The following ARHGAP45 variants were observed in gnomAD, a reference collection of about 807,000 sequenced individuals.
The protein encoded by ARHGAP45 is Rho GTPase activating protein 45.
Under a neutral mutation model 116.1 loss-of-function variants are expected in ARHGAP45, and 56 were observed. The observed-to-expected ratio is 0.48, with a 90% CI of 0.39 to 0.60. The LOEUF is 0.60. Among genes scored for constraint, ARHGAP45 ranks in the 20% least tolerant of loss-of-function variants. The pLI is 0.00. For synonymous variants in ARHGAP45, 866 were observed against 701.7 expected, an observed-to-expected ratio of 1.23 and a Z score of -3.70; for missense variants, 1,622 against 1,601.0, an observed-to-expected ratio of 1.01 and a Z score of -0.22.
chr19:1,084,135 G>A (rs2043527473), intron 21 of ARHGAP45, 103 bp from the exon 22 acceptor site: 17 of 1,074,424 alleles, frequency 1.6e-5, no homozygotes, highest in Middle Eastern at 2.4e-4. Context: ...CTGGGCAACA[G>A]CGGGTGTCAG....
intron 1 of ARHGAP45, chr19:1,067,701 C>T (rs1342695656): frequency 1.4e-6 from 1 of 703,864 alleles, no homozygotes; most frequent in South Asian, 1.5e-5. Context: ...TGGTGGCCGC[C>T]TCCCTCCACT....
chr19:1,075,027 G>GT (rs1555706845), intron 10 of ARHGAP45, 148 bp downstream of exon 10: 5 of 441,314 alleles, frequency 1.1e-5, no homozygotes, highest in South Asian at 1.1e-4. Context: ...AGGCTGGGCC[G>GT]CCCCCCCCAA....
Position 1,079,726 on chromosome 19 carries a change from C to T in ARHGAP45, c.1398C>T (p.Tyr466=), listed in dbSNP as rs1295313573. The T allele has an allele frequency of 1.2e-6, 2 of 1,612,510 alleles. No individual in the cohort carries two copies. Among genetic ancestry groups the T allele is most frequent in the East Asian group, 2.2e-5 (1 of 44,886 alleles). The stretch of plus-strand genomic sequence containing the variant: ...AGGCGGAGGAAGCTATGGCCACCTA[C>T]CGCACCTGCGTGGCCGACGCGAAGA... ...KNKAEEAMAT[Y]RTCVADAKTQ... The change falls in exon 12 of 23, where the codon TAC becomes TAT. Residue 466 remains tyrosine (Y), a synonymous_variant. Transcript: ENST00000313093.
chr19:1,078,300 C>T (rs943271347), intron 11 of ARHGAP45, among the ~76,000 whole-genome samples: 4 of 151,084 alleles, frequency 2.6e-5, no homozygotes, highest in Non-Finnish European at 5.9e-5. Flanking sequence ...CCCGCCACCA[C>T]GCCTGGCTAA....
In ARHGAP45 at chr19:1,080,748, A is replaced by G. The variant is rs776404517; in HGVS notation, c.1979A>G (p.Asp660Gly). 6.2e-7 allele frequency: 1 copy of G among 1,613,456 alleles called. No homozygotes were observed. The highest frequency in any genetic ancestry group is 8.5e-7 in the Non-Finnish European group (1 of 1,179,958). The change falls in exon 16 of 23, where the codon GAC (aspartate) becomes GGC (glycine). Residue 660 changes from aspartate to glycine, a missense_variant. By Grantham distance (94) the Asp-to-Gly change is moderately conservative. This residue lies in a region of ARHGAP45 where 1,334 missense variants were observed against 1,263.8 expected (regional missense o/e 1.06). Transcript: ENST00000313093. Reference protein sequence around the residue: ...GTMSSTEELVDPDGGAGASAF... With the variant: ...GTMSSTEELVGPDGGAGASAF... ...ATGTCGTCCACGGAGGAGCTGGTGG[A>G]CCCAGACGGTGGAGCCGGGGCTTCA...
Position 1,068,319 on chromosome 19 carries a change from G to A in ARHGAP45, c.91-95G>A, listed in dbSNP as rs757668132. The A allele has an allele frequency of 8.9e-5, 102 of 1,141,960 alleles. No individual in the cohort carries two copies. Among genetic ancestry groups the A allele is most frequent in the Non-Finnish European group, 1.2e-4 (99 of 826,114 alleles). The allele number at this position is 1,141,960 out of a possible 1,614,324, so 70.7% of individuals were successfully genotyped here. On this transcript the variant is annotated intron_variant, in intron 1 of 22. Transcript: ENST00000313093. The surrounding 1 kb of genome is among the most constrained non-coding windows in gnomAD (Gnocchi z 7.5). ...TGACCCCTGTGGGGTCAGGGTGATGGTGGCCCTCCACAGCCCCACTTCATT... is the reference window on the plus strand; with the variant it reads ...TGACCCCTGTGGGGTCAGGGTGATGATGGCCCTCCACAGCCCCACTTCATT...
chr19:1,082,790 G>C (rs560099085), intron 19 of ARHGAP45, 50 bp from the exon 20 acceptor site: 50 of 1,415,600 alleles, frequency 3.5e-5, no homozygotes, highest in South Asian at 8.9e-5. Flanking sequence ...AGGCACACGT[G>C]GGGGCTGGGC....
rs1295028355 is a variant in ARHGAP45 at position 1,068,842 on chromosome 19, G to C, written c.421+98G>C. The C allele has an allele frequency of 7.7e-6, 9 of 1,161,614 alleles. No individual in the cohort carries two copies. In the Admixed American group the frequency reaches 1.8e-4, roughly 23 times the overall value. The allele number at this position is 1,161,614 out of a possible 1,614,324, so 72.0% of individuals were successfully genotyped here. ...TTGGGGAGGCTCAGAAGGGAGGGAGGCTCAGATGGCAGGGAGGGCTGTGTG... is the reference window on the plus strand; with the variant it reads ...TTGGGGAGGCTCAGAAGGGAGGGAGCCTCAGATGGCAGGGAGGGCTGTGTG... On this transcript the variant is annotated intron_variant, in intron 2 of 22. Transcript: ENST00000313093. This position sits in a 1 kb window ranked among gnomAD's most constrained non-coding sequence, Gnocchi z 7.5.
In ARHGAP45 at chr19:1,074,898, G is replaced by A; in HGVS notation, c.1185+19G>A. The stretch of plus-strand genomic sequence containing the variant: ...GAAGCTGGTGAGGCGGGCGGGCGGG[G>A]GCGGGCGGGGGCGGGCAGCGGGCCT... On this transcript the variant is annotated intron_variant, in intron 10 of 22. Coordinates refer to ENST00000313093, the MANE Select transcript of ARHGAP45 (RefSeq NM_012292.5). The A allele has an allele frequency of 3.4e-6, 5 of 1,469,508 alleles. No homozygotes were observed. Among genetic ancestry groups the A allele is most frequent in the South Asian group, 1.3e-5 (1 of 79,090 alleles). 91.0% of individuals were successfully genotyped at this position (1,469,508 alleles called of 1,614,324 possible). A position where few individuals can be genotyped will look rare whatever the true frequency, so the allele number is the denominator to read the frequency against.
At chr19:1,066,346 A>G (rs1443185492), upstream of ARHGAP45, among the ~76,000 whole-genome samples, 1 of 152,060 alleles carries the variant, frequency 6.6e-6, no homozygotes, top group African/African-American at 2.4e-5. Context: ...CTCTTGGCCA[A>G]TGCCGCCTCA....
chr19:1,074,244 G>C lies in ARHGAP45; in HGVS notation c.928+3G>C. 1 of 1,612,914 alleles carries C rather than the reference G, an allele frequency of 6.2e-7. No homozygotes were observed. Among genetic ancestry groups the C allele is most frequent in the Non-Finnish European group, 8.5e-7 (1 of 1,179,830 alleles). ...CCTGGAGAAGCGGACGACGCTGGGT[G>C]AGAGCTGGTGTCCCAGCAGGGTGGG... On this transcript the variant is annotated splice_donor_region_variant and intron_variant, in intron 7 of 22. Transcript: ENST00000313093.
At chr19:1,066,527 T>G (rs2043034275), upstream of ARHGAP45, 1 of 256,868 alleles carries the variant, frequency 3.9e-6, no homozygotes, top group Non-Finnish European at 7.7e-6. Flanking sequence ...GTCCTCAGCA[T>G]ATTCTGCCGA....
At position 1,080,265 on chromosome 19, in the gene ARHGAP45, A is replaced by G. The variant is rs777366691; in HGVS notation, c.1714A>G (p.Met572Val). 1 of 1,612,550 alleles carries G rather than the reference A, an allele frequency of 6.2e-7. No individual in the cohort carries two copies. Among genetic ancestry groups the G allele is most frequent in the East Asian group, 2.2e-5 (1 of 44,866 alleles). Residue 572 changes from methionine to valine, a missense_variant, in exon 14 of 23, where the codon ATG (methionine) becomes GTG (valine). Met to Val is a conservative substitution (Grantham distance 21, BLOSUM62 1). Around this residue, in one of 3 missense-constraint regions of ARHGAP45, gnomAD observed 1,334 missense variants for 1,263.8 expected, o/e 1.06. Transcript: ENST00000313093. Reference sequence around the variant, plus strand: ...GGTTTCTTCCACTAGGTCCCCCGTCATGCGTGCCCGGAAGAGCAGCTTCAA... The same window carrying G: ...GGTTTCTTCCACTAGGTCCCCCGTCGTGCGTGCCCGGAAGAGCAGCTTCAA... Reference protein sequence around the residue: ...HVSANAWSPVMRARKSSFNVS... With the variant: ...HVSANAWSPVVRARKSSFNVS...
chr19:1,083,459 T>A, intron 21 of ARHGAP45, 106 bp downstream of exon 21: 1 of 1,074,118 alleles, frequency 9.3e-7, no homozygotes, highest in Non-Finnish European at 1.4e-6. Context: ...CACAGGGAGA[T>A]AATTTGGTTT....
intron 1 of ARHGAP45, 31 bp downstream of exon 1, chr19:1,067,526 G>C (rs1230072838): frequency 1.3e-6 from 2 of 1,558,214 alleles, no homozygotes; most frequent in Admixed American, 3.8e-5. Flanking sequence ...ACCCGGAGCT[G>C]ACGCCGGGCC....
chr19:1,078,289 G>A (rs933108298), intron 11 of ARHGAP45, among the ~76,000 whole-genome samples: 11 of 150,960 alleles, frequency 7.3e-5, no homozygotes, highest in Admixed American at 3.3e-4. Flanking sequence ...GACTACAGGC[G>A]CCCGCCACCA....
At chr19:1,079,656 G>A (rs1317460433) in intron 11 of ARHGAP45, 47 bp from the exon 12 acceptor site, 14 of 1,602,020 alleles carry the variant, frequency 8.7e-6, no homozygotes, top group Non-Finnish European at 1.2e-5. Context: ...TCTGAGTCCT[G>A]CACCCCGGGC....
In ARHGAP45 at chr19:1,071,230, C is replaced by T. The variant is rs1030434450; in HGVS notation, c.422-1919C>T. The stretch of plus-strand genomic sequence containing the variant: ...GAGCCGGTTTGGCCACCGGAGACCC[C>T]CATCGGTCAGCTGCCAGGCCCCACG... On this transcript the variant is annotated intron_variant, in intron 2 of 22. Coordinates refer to ENST00000313093, the MANE Select transcript of ARHGAP45 (RefSeq NM_012292.5). The surrounding 1 kb of genome is among the most constrained non-coding windows in gnomAD (Gnocchi z 4.6). 1.4e-6 allele frequency: 2 copies of T among 1,462,534 alleles called. No individual in the cohort carries two copies. Among genetic ancestry groups the T allele is most frequent in the Admixed American group, 4.5e-5 (2 of 44,534 alleles). The allele number at this position is 1,462,534 out of a possible 1,614,324, so 90.6% of individuals were successfully genotyped here.
chr19:1,083,087 T>A (rs767362459), intron 20 of ARHGAP45, 21 bp downstream of exon 20: 2 of 1,560,122 alleles, frequency 1.3e-6, no homozygotes, highest in Non-Finnish European at 1.7e-6. Flanking sequence ...GCATATGGAG[T>A]GGAGGGCGCG....
Sources: allele counts gnomAD v4.1 joint callset (sites outside exome capture counted in the v4.1 genomes callset), GRCh38; gene constraint gnomAD v4.1.1; regional missense constraint gnomAD v4.1.1; non-coding constraint Gnocchi (gnomAD v3.1); transcripts MANE v1.5; gene names NCBI Gene and HGNC (gene_info 2026-07-23, HGNC 2026-07-21).